Variants in DPP6 observed in about 807,000 individuals in gnomAD.
DPP6 encodes A-type potassium channel modulatory protein DPP6.
In DPP6, 69 loss-of-function variants were observed where a neutral mutation model predicts 122.6. That is an observed-to-expected ratio of 0.56 (90% confidence interval 0.46 to 0.69). DPP6 has a LOEUF of 0.69. Among genes scored for constraint, DPP6 ranks in the 30% least tolerant of loss-of-function variants. The pLI is 0.00. For missense variants in DPP6, 928 were observed against 1,116.9 expected, an observed-to-expected ratio of 0.83 and a Z score of 2.41; for synonymous variants, 418 against 433.1, an observed-to-expected ratio of 0.97 and a Z score of 0.43.
Position 154,017,356 on chromosome 7 carries a change from C to T in DPP6, c.51+129622C>T, listed in dbSNP as rs539079181. Among the ~76,000 whole-genome samples, 9 of 152,258 alleles carry T rather than the reference C, an allele frequency of 5.9e-5. 1 individual carries two copies. In the South Asian group the frequency reaches 1.9e-3, roughly 32 times the overall value. On this transcript the variant is annotated intron_variant, in intron 1 of 25. Coordinates refer to the DPP6 transcript ENST00000404039. ...AGTGCTGGGATTACAGATGGGATTACAGACTGAGCCACCGTGCCCAGTCAA... is the reference window on the plus strand; with the variant it reads ...AGTGCTGGGATTACAGATGGGATTATAGACTGAGCCACCGTGCCCAGTCAA...
chr7:154,537,836 G>A (rs1269406649), intron 3 of DPP6, among the ~76,000 whole-genome samples: 1 of 152,036 alleles, frequency 6.6e-6, no homozygotes, highest in African/African-American at 2.4e-5. Context: ...ACCAAAAGAT[G>A]TAAAGAAGAA....
At chr7:154,351,437 C>T (rs1037746928) in intron 1 of DPP6, among the ~76,000 whole-genome samples, 3 of 152,172 alleles carry the variant, frequency 2.0e-5, no homozygotes, top group Non-Finnish European at 2.9e-5. Flanking sequence ...AAAATAGCAG[C>T]TGAGTGTAAA....
In DPP6 at chr7:154,889,306, A is replaced by G; in HGVS notation, c.2339A>G (p.Glu780Gly). The change falls in exon 24 of 26, where the codon GAA becomes GGA. Residue 780 changes from glutamate to glycine, a missense_variant. Transcript: ENST00000377770. Reference sequence around the variant, plus strand: ...GTAGCCCATCGAGTCTCCGCGCTGGAAGAACAGCAGTTCCTGATCATTCAT... The same window carrying G: ...GTAGCCCATCGAGTCTCCGCGCTGGGAGAACAGCAGTTCCTGATCATTCAT... ...TKVAHRVSAL[E>G]EQQFLIIHPT... is the part of the protein sequence containing the mutation. The G allele has an allele frequency of 6.2e-7, 1 of 1,613,096 alleles. No individual in the cohort carries two copies. The highest frequency in any genetic ancestry group is 8.5e-7 in the Non-Finnish European group (1 of 1,179,716).
chr7:153,885,051 A>G (rs38982), upstream of DPP6, among the ~76,000 whole-genome samples: 89,959 of 142,490 alleles, frequency 0.63, 28,825 homozygotes, highest in African/African-American at 0.73. Flanking sequence ...CCTCTCCTCC[A>G]TCATGTGGTG....
rs192362439 is a variant in DPP6 at position 154,234,639 on chromosome 7, C to A, written c.243+181576C>A. ...CAACACACACACAGACACACACATA[C>A]ACAGAATCAACACTCAACACGCAAA... On this transcript the variant is annotated intron_variant, in intron 1 of 25. Coordinates refer to ENST00000377770, the MANE Select transcript of DPP6 (RefSeq NM_130797.4). Among the ~76,000 whole-genome samples, 616 of 152,180 alleles carry A rather than the reference C, an allele frequency of 4.0e-3. 18 individuals are homozygous for A. The highest frequency in any genetic ancestry group is 5.6e-3 in the South Asian group (27 of 4,820).
At chr7:154,669,922 C>T (rs1192286533) in intron 7 of DPP6, among the ~76,000 whole-genome samples, 4 of 152,040 alleles carry the variant, frequency 2.6e-5, no homozygotes, top group Non-Finnish European at 4.4e-5. Flanking sequence ...TGCAGTGGCA[C>T]GATCTCAGCT....
At chr7:154,456,726 T>C (rs1210839033) in intron 2 of DPP6, among the ~76,000 whole-genome samples, 1 of 84,154 alleles carries the variant, frequency 1.2e-5, no homozygotes, top group Non-Finnish European at 2.5e-5. Flanking sequence ...TGTGTTCTTA[T>C]AAGAAGGAAA....
At chr7:154,082,663 A>G (rs1442594379) in intron 1 of DPP6, among the ~76,000 whole-genome samples, 1 of 151,544 alleles carries the variant, frequency 6.6e-6, no homozygotes. Flanking sequence ...CCCTTCCTCC[A>G]CTGTCAGAGG....
intron 1 of DPP6, among the ~76,000 whole-genome samples, chr7:154,362,159 A>G (rs765795897): frequency 4.6e-5 from 7 of 152,248 alleles, no homozygotes; most frequent in Non-Finnish European, 5.9e-5. Flanking sequence ...TCTTGTTCAC[A>G]CTGGAAGAAC....
At chr7:153,829,366 C>T in the DPP6 span, among the ~76,000 whole-genome samples, 1 of 152,110 alleles carries the variant, frequency 6.6e-6, no homozygotes, top group South Asian at 2.1e-4. Context: ...CAGGTGCATG[C>T]CACCATGCCT....
intron 3 of DPP6, among the ~76,000 whole-genome samples, chr7:154,516,728 C>T (rs956306948): frequency 1.3e-5 from 2 of 152,108 alleles, no homozygotes; most frequent in African/African-American, 4.8e-5. Context: ...GGTTCAATTA[C>T]GTGGAATAGA....
intron 3 of DPP6, among the ~76,000 whole-genome samples, chr7:154,494,468 T>C (rs1487554115): frequency 1.3e-5 from 2 of 150,926 alleles, no homozygotes; most frequent in African/African-American, 4.9e-5. Context: ...TTAATATTAC[T>C]AACAAACTTC....
At chr7:154,780,463 G>A (rs533583843) in intron 10 of DPP6, among the ~76,000 whole-genome samples, 1 of 152,348 alleles carries the variant, frequency 6.6e-6, no homozygotes, top group Admixed American at 6.5e-5. Flanking sequence ...ATGAGCAGGA[G>A]ACATCAGAAA....
the DPP6 span, among the ~76,000 whole-genome samples, chr7:153,786,740 GA>G: frequency 0.054 from 1,707 of 31,798 alleles, 63 homozygotes; most frequent in African/African-American, 0.16. Flanking sequence ...CTCCGTCTCA[GA>G]AAAAAAAAAA....
chr7:154,493,339 T>G (rs898269641), intron 3 of DPP6, among the ~76,000 whole-genome samples: 1 of 152,224 alleles, frequency 6.6e-6, no homozygotes, highest in African/African-American at 2.4e-5. Flanking sequence ...CCCATACTTA[T>G]GGTGTCATCT....
At chr7:154,491,819 G>A (rs1257253942) in intron 3 of DPP6, among the ~76,000 whole-genome samples, 1 of 152,188 alleles carries the variant, frequency 6.6e-6, no homozygotes, top group Non-Finnish European at 1.5e-5. Flanking sequence ...ATTTAGGCAA[G>A]TTCCTCTTCT....
chr7:154,678,188 G>A lies in DPP6; in HGVS notation c.762+8747G>A, dbSNP rs551002990. On this transcript the variant is annotated intron_variant, in intron 7 of 25. Coordinates refer to ENST00000377770, the MANE Select transcript of DPP6 (RefSeq NM_130797.4). Reference sequence around the variant, plus strand: ...CTCTGTAAAATGGACCAATCAGCAGGATGGGGGCGGGCCAAATAAGGAAAT... The same window carrying A: ...CTCTGTAAAATGGACCAATCAGCAGAATGGGGGCGGGCCAAATAAGGAAAT... 2.0e-5 allele frequency among the ~76,000 whole-genome samples: 3 copies of A among 152,308 alleles called. No individual in the cohort carries two copies. The South Asian group carries it at 6.2e-4, about 32-fold the overall frequency.
rs150343352 is a variant in DPP6, at chr7:154,212,602, C to T, written c.243+159539C>T. 4.6e-5 allele frequency among the ~76,000 whole-genome samples: 7 copies of T among 152,224 alleles called. No homozygotes were observed. In the South Asian group the frequency reaches 8.3e-4, roughly 18 times the overall value. On this transcript the variant is annotated intron_variant, in intron 1 of 25. Coordinates refer to ENST00000377770, the MANE Select transcript of DPP6 (RefSeq NM_130797.4). ...GAGAGCCGGGGAGCATGAGGATGAT[C>T]GAGGTCTCGGAGCTCAATCAATCAG...
intron 1 of DPP6, among the ~76,000 whole-genome samples, chr7:154,012,271 T>A (rs1184822534): frequency 1.3e-5 from 2 of 152,198 alleles, no homozygotes; most frequent in African/African-American, 2.4e-5. Context: ...AGATCTAAAT[T>A]AAAAACTAAA....
Sources: gnomAD v4.1 joint callset for allele counts (sites outside exome capture counted in the v4.1 genomes callset) on GRCh38, gnomAD v4.1.1 for gene constraint, MANE v1.5 for transcripts, NCBI Gene and HGNC (gene_info 2026-07-23, HGNC 2026-07-21) for gene names.